OSBPL10: variants seen among roughly 807,000 people sequenced by gnomAD.
OSBPL10 encodes oxysterol binding protein like 10, also known as oxysterol-binding protein-related protein 10.
In OSBPL10, 49 loss-of-function variants were observed where a neutral mutation model predicts 81.7. The observed-to-expected ratio is 0.60, with a 90% CI of 0.48 to 0.76. The LOEUF is 0.76. Ranked by LOEUF, OSBPL10 falls within the 30% of genes least tolerant of loss-of-function variation. OSBPL10 has a pLI of 0.00. For missense variants in OSBPL10, 923 were observed against 987.8 expected (o/e 0.93, Z 0.88); for synonymous variants, 419 against 383.6 (o/e 1.09, Z -1.08).
At position 31,774,175 on chromosome 3, in the gene OSBPL10, A is replaced by AAG. The variant is rs1553624171; in HGVS notation, c.730-26056_730-26055insCT. Among the ~76,000 whole-genome samples, 70 of 146,872 alleles carry AAG rather than the reference A, an allele frequency of 4.8e-4. 1 individual carries two copies. The highest frequency in any genetic ancestry group is 4.6e-3 in the South Asian group (22 of 4,814). On this transcript the variant is annotated intron_variant, in intron 4 of 11. Transcript: ENST00000396556. Reference sequence around the variant, plus strand: ...AAAACTCCATCTCAAAAAAAAAAAAAAAAAGAAAGACAGACTGAAAACAGA... The same window carrying AAG: ...AAAACTCCATCTCAAAAAAAAAAAAAAGAAAAGAAAGACAGACTGAAAACAGA...
At chr3:31,819,141 C>G (rs1418003243) in intron 4 of OSBPL10, among the ~76,000 whole-genome samples, 1 of 152,152 alleles carries the variant, frequency 6.6e-6, no homozygotes, top group Non-Finnish European at 1.5e-5. Flanking sequence ...GATGCAGCTC[C>G]CACATTAAGG....
At chr3:31,929,158 T>C (rs920455861) in intron 1 of OSBPL10, among the ~76,000 whole-genome samples, 1 of 151,884 alleles carries the variant, frequency 6.6e-6, no homozygotes, top group East Asian at 2.0e-4. Flanking sequence ...CATCTGATAA[T>C]ATTCAACATC....
At chr3:31,907,423 T>C (rs1696440132) in intron 1 of OSBPL10, among the ~76,000 whole-genome samples, 1 of 151,750 alleles carries the variant, frequency 6.6e-6, no homozygotes, top group Non-Finnish European at 1.5e-5. Flanking sequence ...GGTCAGCAGT[T>C]CAAGATCAGC....
In OSBPL10 at chr3:31,683,884, T is replaced by C. The variant is rs746920983; in HGVS notation, c.1476A>G (p.Glu492=). The C allele has an allele frequency of 1.9e-6, 3 of 1,614,216 alleles. No individual in the cohort carries two copies. Among genetic ancestry groups the C allele is most frequent in the Non-Finnish European group, 2.5e-6 (3 of 1,180,040 alleles). ...TAGGCTTGACCCTGTCCTTGGGAAC[T>C]TCCCAGGAGCAGTGAAATGTCTCGC... ...IIGETFHCSW[E]VPKDRVKPKR... Residue 492 remains glutamate, a synonymous_variant, in exon 8 of 12, where the codon GAA becomes GAG. Coordinates refer to ENST00000396556, the MANE Select transcript of OSBPL10 (RefSeq NM_017784.5).
intron 3 of OSBPL10, among the ~76,000 whole-genome samples, chr3:31,833,035 T>A (rs559742280): frequency 6.6e-6 from 1 of 152,198 alleles, no homozygotes; most frequent in African/African-American, 2.4e-5. Context: ...TGAATTGGAA[T>A]GCAGATAAAG....
chr3:31,689,067 T>C (rs1700873190), intron 7 of OSBPL10, among the ~76,000 whole-genome samples: 2 of 152,286 alleles, frequency 1.3e-5, no homozygotes, highest in South Asian at 2.1e-4. Flanking sequence ...GCTCAGCAAC[T>C]TCTGCCAATT....
chr3:31,792,860 C>CTGTG (rs6147757), intron 4 of OSBPL10, among the ~76,000 whole-genome samples: 11,039 of 126,234 alleles, frequency 0.087, 596 homozygotes, highest in East Asian at 0.15. Flanking sequence ...TCTAGGCACT[C>CTGTG]TGTGTGTGTG....
chr3:31,991,161 T>C, intron 2 of OSBPL10: 1 of 688,808 alleles, frequency 1.5e-6, no homozygotes, highest in Non-Finnish European at 2.4e-6. Context: ...GTTAAGAGGA[T>C]TGGGCTGGGC....
At chr3:32,048,221 C>T (rs1207720248) in intron 1 of OSBPL10, among the ~76,000 whole-genome samples, 1 of 151,986 alleles carries the variant, frequency 6.6e-6, no homozygotes, top group East Asian at 1.9e-4. Flanking sequence ...ATATCTCTCC[C>T]TCTCATCCCT....
intron 8 of OSBPL10, among the ~76,000 whole-genome samples, chr3:31,677,135 T>C (rs1700500016): frequency 6.6e-6 from 1 of 152,056 alleles, no homozygotes; most frequent in African/African-American, 2.4e-5. Context: ...TTACACCCAA[T>C]CAACAAATTC....
chr3:31,713,430 T>A (rs1696332148), intron 6 of OSBPL10, among the ~76,000 whole-genome samples: 1 of 152,176 alleles, frequency 6.6e-6, no homozygotes, highest in Non-Finnish European at 1.5e-5. Flanking sequence ...AGAGTCTCAC[T>A]CTGTTGCCCA....
intron 3 of OSBPL10, among the ~76,000 whole-genome samples, chr3:31,836,427 A>T (rs1700358779): frequency 6.6e-6 from 1 of 152,206 alleles, no homozygotes; most frequent in African/African-American, 2.4e-5. Context: ...AATTGTCACA[A>T]GCAAATGCAT....
intron 3 of OSBPL10, among the ~76,000 whole-genome samples, chr3:31,862,681 G>C (rs186843878): frequency 3.3e-5 from 5 of 152,172 alleles, no homozygotes; most frequent in Admixed American, 2.0e-4. Flanking sequence ...CATATAAAAA[G>C]AGACTTAACA....
At chr3:32,018,236 G>T (rs1296526346) in intron 2 of OSBPL10, among the ~76,000 whole-genome samples, 1 of 152,106 alleles carries the variant, frequency 6.6e-6, no homozygotes, top group African/African-American at 2.4e-5. Flanking sequence ...AAATGTGATT[G>T]TTAAACTATG....
intron 4 of OSBPL10, among the ~76,000 whole-genome samples, chr3:31,789,050 C>G (rs1233790461): frequency 6.6e-6 from 1 of 151,876 alleles, no homozygotes; most frequent in Non-Finnish European, 1.5e-5. Flanking sequence ...GCGATCTTGG[C>G]TCACTGCAAC....
In OSBPL10 at chr3:31,830,143, C is replaced by A. The variant is rs1383002387; in HGVS notation, c.626G>T (p.Ser209Ile). Reference protein sequence around the residue: ...SASPCSQRHLSVGAPGVVTIT... With the variant: ...SASPCSQRHLIVGAPGVVTIT... ...TGTGACAACACCGGGGGCCCCCACA[C>A]TGAGGTGTCTCTGGCTACAGGGAGA... The change falls in exon 4 of 12, where the codon AGT becomes ATT. Residue 209 changes from serine (S) to isoleucine (I), a missense_variant. By Grantham distance (142) the Ser-to-Ile change is moderately radical. Transcript: ENST00000396556. 1.2e-6 allele frequency: 2 copies of A among 1,614,166 alleles called. No homozygotes were observed. Among genetic ancestry groups the A allele is most frequent in the Middle Eastern group, 1.7e-4 (1 of 6,058 alleles).
intron 1 of OSBPL10, among the ~76,000 whole-genome samples, chr3:31,887,037 G>C (rs751538771): frequency 6.6e-6 from 1 of 152,072 alleles, no homozygotes; most frequent in Non-Finnish European, 1.5e-5. Flanking sequence ...ACTAATGGCA[G>C]AGACTGAGAC....
chr3:31,847,194 CTT>C (rs1165840077), intron 3 of OSBPL10, among the ~76,000 whole-genome samples: 3,493 of 144,934 alleles, frequency 0.024, 106 homozygotes, highest in African/African-American at 0.075. Context: ...CTCCCCATTC[CTT>C]TTTTTTTTTT....
intron 4 of OSBPL10, among the ~76,000 whole-genome samples, chr3:31,768,763 G>A (rs998430017): frequency 6.6e-6 from 1 of 152,160 alleles, no homozygotes; most frequent in South Asian, 2.1e-4. Context: ...TCTAAACAAG[G>A]CAATTCCTCT....
Sources: gnomAD v4.1 joint callset for allele counts (sites outside exome capture counted in the v4.1 genomes callset) on GRCh38, gnomAD v4.1.1 for gene constraint, MANE v1.5 for transcripts, NCBI Gene and HGNC (gene_info 2026-07-23, HGNC 2026-07-21) for gene names.